The following MGAT5B variants were observed in gnomAD, a reference collection of about 807,000 sequenced individuals.
MGAT5B encodes the protein N-acetylglucosaminyl-transferase Vb.
Under a neutral mutation model 95.1 loss-of-function variants are expected in MGAT5B, and 54 were observed. The ratio of observed to expected loss-of-function variants is 0.57; its 90% CI spans 0.46 to 0.71. The LOEUF is 0.71. Among genes scored for constraint, MGAT5B ranks in the 30% least tolerant of loss-of-function variants. The pLI is 0.00. For synonymous variants in MGAT5B, 464 were observed against 451.0 expected, an observed-to-expected ratio of 1.03 and a Z score of -0.36; for missense variants, 935 against 1,088.6, an observed-to-expected ratio of 0.86 and a Z score of 1.99.
intron 12 of MGAT5B, 53 bp downstream of exon 12, chr17:76,933,350 T>A: frequency 1.3e-6 from 2 of 1,595,044 alleles, no homozygotes; most frequent in East Asian, 2.2e-5. Flanking sequence ...CCTTCCCCTC[T>A]CCAGCAGCCA....
At position 76,918,232 on chromosome 17, in the gene MGAT5B, TGCTTTGTG is replaced by T. The variant is rs1303512756; in HGVS notation, c.1026-6732_1026-6725del. On this transcript the variant is annotated intron_variant, in intron 8 of 17. Coordinates refer to ENST00000569840, the MANE Select transcript of MGAT5B (RefSeq NM_001199172.2). This position sits in a 1 kb window ranked among gnomAD's most constrained non-coding sequence, Gnocchi z 5.1. ...TACCGCACCCCCACCCCCGCACCCA[TGCTTTGTG>T]GTAGCTTCGGCTAAAGAGCACCCAG... is the stretch of plus-strand genomic sequence containing the variant. 1.3e-5 allele frequency among the ~76,000 whole-genome samples: 2 copies of T among 151,502 alleles called. No individual in the cohort carries two copies. Among genetic ancestry groups the T allele is most frequent in the African/African-American group, 4.8e-5 (2 of 41,314 alleles).
chr17:76,928,680 G>C (rs1345123046), intron 10 of MGAT5B, among the ~76,000 whole-genome samples: 1 of 151,870 alleles, frequency 6.6e-6, no homozygotes, highest in Non-Finnish European at 1.5e-5. Flanking sequence ...ACTCCAGCCT[G>C]GGCAACAGAG....
At chr17:76,902,707 G>T (rs1395658809) in intron 4 of MGAT5B, 37 bp downstream of exon 4, 4 of 1,469,972 alleles carry the variant, frequency 2.7e-6, no homozygotes, top group Non-Finnish European at 3.7e-6. Context: ...TCTACCCCTA[G>T]GGGGCCAATG....
intron 1 of MGAT5B, chr17:76,872,584 A>AGCCCGCCTGCCTCATGCCTAAGTGT: frequency 7.3e-7 from 1 of 1,363,238 alleles, no homozygotes; most frequent in Non-Finnish European, 9.7e-7. Context: ...TGGAGGCTAG[A>AGCCCGCCTGCCTCATGCCTAAGTGT]GCCCGCCTGC....
chr17:76,898,515 C>T (rs543144896), intron 3 of MGAT5B, among the ~76,000 whole-genome samples: 1 of 151,426 alleles, frequency 6.6e-6, no homozygotes, highest in Non-Finnish European at 1.5e-5. Flanking sequence ...TTTGGCCAGG[C>T]TGGTCTCAAA....
At chr17:76,878,356 G>C (rs564836188) in intron 2 of MGAT5B, among the ~76,000 whole-genome samples, 3 of 152,336 alleles carry the variant, frequency 2.0e-5, no homozygotes, top group Non-Finnish European at 4.4e-5. Context: ...GGCACGGGGG[G>C]ACTTGGTCCA....
chr17:76,935,907 ATATATAT>A (rs1027721298), intron 12 of MGAT5B, among the ~76,000 whole-genome samples: 4 of 129,928 alleles, frequency 3.1e-5, no homozygotes, highest in Non-Finnish European at 4.9e-5. Flanking sequence ...TATATACATT[ATATATAT>A]TATATATTAT....
chr17:76,875,728 C>T (rs780321880), intron 2 of MGAT5B, among the ~76,000 whole-genome samples: 2 of 140,528 alleles, frequency 1.4e-5, no homozygotes, highest in African/African-American at 5.4e-5. Context: ...TTTATCCATC[C>T]GACCATTGGT....
chr17:76,885,282 C>G (rs371268010), intron 3 of MGAT5B, among the ~76,000 whole-genome samples: 99 of 152,324 alleles, frequency 6.5e-4, no homozygotes, highest in African/African-American at 2.3e-3. Flanking sequence ...CCATCTTTCT[C>G]CCTCAGATCC....
At chr17:76,902,885 C>T (rs1342024633) in intron 4 of MGAT5B, among the ~76,000 whole-genome samples, 1 of 152,146 alleles carries the variant, frequency 6.6e-6, no homozygotes, top group Non-Finnish European at 1.5e-5. Flanking sequence ...AGAGGAGGTC[C>T]CTGGAGTCTC....
rs1966941450 is a variant in MGAT5B, at chr17:76,869,948, G to A, written c.68+851G>A. ...GCGGAACCGGCCCGCAGCGGGGTGG[G>A]GAGGGGGCGCTGCCCAGTGGACGCC... is the stretch of plus-strand genomic sequence containing the variant. On this transcript the variant is annotated intron_variant, in intron 1 of 17. Transcript: ENST00000569840. The surrounding 1 kb of genome is among the most constrained non-coding windows in gnomAD (Gnocchi z 7.0). Among the ~76,000 whole-genome samples the A allele has an allele frequency of 6.6e-6, 1 of 152,286 alleles. No individual in the cohort carries two copies. Among genetic ancestry groups the A allele is most frequent in the South Asian group, 2.1e-4 (1 of 4,832 alleles).
chr17:76,912,790 C>G lies in MGAT5B; in HGVS notation c.1025+6603C>G, dbSNP rs1968790259. 6.6e-6 allele frequency among the ~76,000 whole-genome samples: 1 copy of G among 152,150 alleles called. No individual in the cohort carries two copies. On this transcript the variant is annotated intron_variant, in intron 8 of 17. Coordinates refer to ENST00000569840, the MANE Select transcript of MGAT5B (RefSeq NM_001199172.2). This position sits in a 1 kb window ranked among gnomAD's most constrained non-coding sequence, Gnocchi z 5.0. ...CTGCAGCAAGGTGATGTCAGCCAGT[C>G]CCCGCCCGCGCCCCGCCGTGTGCGG... is the stretch of plus-strand genomic sequence containing the variant.
At chr17:76,929,972 A>G (rs1222093631) in intron 10 of MGAT5B, among the ~76,000 whole-genome samples, 1 of 152,154 alleles carries the variant, frequency 6.6e-6, no homozygotes, top group African/African-American at 2.4e-5. Context: ...TGGTGGGAAC[A>G]GGGGAGAGGG....
At chr17:76,887,817 A>G (rs1440527897) in intron 3 of MGAT5B, among the ~76,000 whole-genome samples, 2 of 151,756 alleles carry the variant, frequency 1.3e-5, no homozygotes, top group Admixed American at 6.6e-5. Context: ...TTGGCCTCCC[A>G]AAGTGCTGGG....
chr17:76,911,316 T>C lies in MGAT5B; in HGVS notation c.1025+5129T>C, dbSNP rs77405144. Among the ~76,000 whole-genome samples the C allele has an allele frequency of 8.1e-3, 1,233 of 152,328 alleles. 21 individuals are homozygous for C. Among genetic ancestry groups the C allele is most frequent in the African/African-American group, 0.026 (1,100 of 41,576 alleles). ...GAATGCATGGCTTCTTCAGAAGGCC[T>C]TGTCTGTGTCCCCAGTGCAGTCCTG... On this transcript the variant is annotated intron_variant, in intron 8 of 17. Transcript: ENST00000569840.
intron 2 of MGAT5B, among the ~76,000 whole-genome samples, chr17:76,881,804 G>A (rs1967429882): frequency 6.6e-6 from 1 of 152,170 alleles, no homozygotes; most frequent in Admixed American, 6.5e-5. Flanking sequence ...CGGACATGAG[G>A]GTTGTTGGGC....
At chr17:76,904,204 GTCA>G in intron 5 of MGAT5B, 45 bp from the exon 6 acceptor site, 1 of 1,553,682 alleles carries the variant, frequency 6.4e-7, no homozygotes, top group Admixed American at 1.9e-5. Flanking sequence ...GTCCCCGAGG[GTCA>G]GTGGGGCTGG....
intron 15 of MGAT5B, among the ~76,000 whole-genome samples, chr17:76,943,146 A>G (rs56201873): frequency 0.062 from 9,479 of 151,918 alleles, 339 homozygotes; most frequent in South Asian, 0.096. Context: ...AACTGGGGGA[A>G]GGACTGACTG....
At chr17:76,913,574 G>A (rs1968820745) in intron 8 of MGAT5B, 2 of 404,516 alleles carry the variant, frequency 4.9e-6, no homozygotes, top group Non-Finnish European at 1.0e-5. Flanking sequence ...GTTGACAGTG[G>A]TTGAACACAG....
Sources: gnomAD v4.1 joint callset for allele counts (sites outside exome capture counted in the v4.1 genomes callset) on GRCh38, gnomAD v4.1.1 for gene constraint, Gnocchi (gnomAD v3.1) non-coding constraint, MANE v1.5 for transcripts, NCBI Gene and HGNC (gene_info 2026-07-23, HGNC 2026-07-21) for gene names.